SMYD5: variants seen among roughly 807,000 people sequenced by gnomAD.
The protein encoded by SMYD5 is SMYD family member 5.
A neutral mutation model predicts 57.4 loss-of-function variants in SMYD5; 35 were observed. The ratio of observed to expected loss-of-function variants is 0.61; its 90% CI spans 0.47 to 0.81. SMYD5 has a LOEUF of 0.81. Ranked by LOEUF, SMYD5 falls within the 30% of genes least tolerant of loss-of-function variation. The probability of loss-of-function intolerance (pLI) is 0.00; values close to 1 mark genes in which losing one functional copy is unlikely to be tolerated. For synonymous variants in SMYD5, 198 were observed against 189.7 expected, an observed-to-expected ratio of 1.04 and a Z score of -0.36; for missense variants, 471 against 527.9, an observed-to-expected ratio of 0.89 and a Z score of 1.06.
rs1686473050 is a variant in SMYD5, at chr2:73,225,031, C to T, written c.1035+71C>T. ...GGAAGTTCTCTGCAGGGATCAGGAG[C>T]AGCAGTGGCTAGAGCACCTTGAAGT... On this transcript the variant is annotated intron_variant, in intron 11 of 12. Transcript: ENST00000389501. The T allele has an allele frequency of 8.5e-6, 10 of 1,172,180 alleles. No individual in the cohort carries two copies. In the South Asian group the frequency reaches 1.2e-4, roughly 14 times the overall value. The allele number at this position is 1,172,180 out of a possible 1,614,324, so 72.6% of individuals were successfully genotyped here.
chr2:73,226,226 G>A lies in SMYD5; in HGVS notation c.*280G>A, dbSNP rs1686500982. 2 of 467,718 alleles carry A rather than the reference G, an allele frequency of 4.3e-6. No homozygotes were observed. The highest frequency in any genetic ancestry group is 3.7e-5 in the South Asian group (1 of 27,188). 29.0% of individuals were successfully genotyped at this position (467,718 alleles called of 1,614,324 possible). A position where few individuals can be genotyped will look rare whatever the true frequency, so the allele number is the denominator to read the frequency against. ...GGTTCCTCCACTCTAGGGTTTGAGGGGCTGGAATCAGGGCCAGGGCCTAAC... is the reference window on the plus strand; with the variant it reads ...GGTTCCTCCACTCTAGGGTTTGAGGAGCTGGAATCAGGGCCAGGGCCTAAC... On this transcript the variant is annotated 3_prime_UTR_variant, in exon 13 of 13. Transcript: ENST00000389501.
rs1686372339 is a variant in SMYD5, at chr2:73,220,794, T to C, written c.467+12T>C. The C allele has an allele frequency of 1.2e-6, 2 of 1,613,440 alleles. No individual in the cohort carries two copies. The highest frequency in any genetic ancestry group is 4.5e-5 in the East Asian group (2 of 44,888). On this transcript the variant is annotated intron_variant, in intron 4 of 12. Transcript: ENST00000389501. ...CAGGAGGCATGGAGGTAGGTTTCTT[T>C]TCCTCTCTTCTTTCCTTTATCCTTT... is the stretch of plus-strand genomic sequence containing the variant.
chr2:73,220,739 G>A lies in SMYD5; in HGVS notation c.424G>A (p.Asp142Asn), dbSNP rs1244545626. Residue 142 changes from aspartate to asparagine, a missense_variant, in exon 4 of 13, where the codon GAT becomes AAT. Transcript: ENST00000389501. ...GGTCCTGTGCCCAGGCCCCTCCCAG[G>A]ATGACCCCTTGCATCCTCTCAATAA... ...HQVLCPGPSQDDPLHPLNKLQ... is the reference protein window; with the variant it reads ...HQVLCPGPSQNDPLHPLNKLQ... 4 of 1,613,948 alleles carry A rather than the reference G, an allele frequency of 2.5e-6. No homozygotes were observed. Among genetic ancestry groups the A allele is most frequent in the Non-Finnish European group, 2.5e-6 (3 of 1,180,014 alleles).
At chr2:73,220,872 C>G in intron 4 of SMYD5, 90 bp downstream of exon 4, 2 of 1,460,590 alleles carry the variant, frequency 1.4e-6, no homozygotes, top group South Asian at 2.5e-5. Flanking sequence ...TTCTTAAGTT[C>G]CAATTCCCCG....
chr2:73,214,688 CG>C, intron 1 of SMYD5: 1 of 1,410,806 alleles, frequency 7.1e-7, no homozygotes, highest in South Asian at 1.2e-5. Context: ...GGGGATGTGC[CG>C]GGCAGAGAGA....
At chr2:73,217,781 C>T (rs959117234) in intron 1 of SMYD5, among the ~76,000 whole-genome samples, 7 of 152,140 alleles carry the variant, frequency 4.6e-5, no homozygotes, top group Non-Finnish European at 1.0e-4. Context: ...GTTGTGGCAG[C>T]TCAGTGTTGA....
rs920805370 is a variant in SMYD5 at position 73,222,075 on chromosome 2, T to TA, written c.642+146dup. On this transcript the variant is annotated intron_variant, in intron 6 of 12. Transcript: ENST00000389501. Reference sequence around the variant, plus strand: ...GGTCCAGAAATCGATTCAGAGGAGTTACATTCCTGCCACTGTTTACTTCAT... The same window carrying TA: ...GGTCCAGAAATCGATTCAGAGGAGTTAACATTCCTGCCACTGTTTACTTCAT... 4.9e-6 allele frequency: 3 copies of TA among 618,344 alleles called. No individual in the cohort carries two copies. The African/African-American group carries it at 5.5e-5, about 11-fold the overall frequency. 38.3% of individuals were successfully genotyped at this position (618,344 alleles called of 1,614,324 possible). A position where few individuals can be genotyped will look rare whatever the true frequency, so the allele number is the denominator to read the frequency against.
At chr2:73,221,336 C>G in intron 5 of SMYD5, 102 bp downstream of exon 5, 1 of 898,824 alleles carries the variant, frequency 1.1e-6, no homozygotes, top group Non-Finnish European at 1.8e-6. Context: ...ATGCAGAGTT[C>G]TTCCTGGCCT....
chr2:73,217,446 G>A (rs1686311113), intron 1 of SMYD5, among the ~76,000 whole-genome samples: 2 of 152,196 alleles, frequency 1.3e-5, no homozygotes, highest in African/African-American at 2.4e-5. Flanking sequence ...CAGAAATAAT[G>A]TGAGTCCCTG....
At chr2:73,214,529 C>G (rs547772228) in intron 1 of SMYD5, 167 bp downstream of exon 1, 1 of 1,481,516 alleles carries the variant, frequency 6.7e-7, no homozygotes. Context: ...CGCGCAGGCT[C>G]GTGGCGCGGT....
intron 10 of SMYD5, 106 bp downstream of exon 10, chr2:73,224,109 G>A (rs535101628): frequency 1.9e-6 from 2 of 1,038,820 alleles, no homozygotes; most frequent in Admixed American, 1.7e-5. Context: ...TAGGCTGGTA[G>A]GGTTGAGTCT....
At chr2:73,214,808 A>G in intron 1 of SMYD5, 1 of 1,308,100 alleles carries the variant, frequency 7.6e-7, no homozygotes, top group Non-Finnish European at 1.0e-6. Context: ...GTGCTGAGGA[A>G]TTTGGACCAG....
At chr2:73,223,007 G>A (rs1383709527) in intron 7 of SMYD5, 29 bp from the exon 8 acceptor site, 3 of 1,600,406 alleles carry the variant, frequency 1.9e-6, no homozygotes, top group Non-Finnish European at 2.6e-6. Flanking sequence ...TGGCTGTAAT[G>A]AGCACTCATC....
Position 73,222,784 on chromosome 2 carries a change from C to G in SMYD5, c.672C>G (p.Phe224Leu). 6.2e-7 allele frequency: 1 copy of G among 1,613,610 alleles called. No homozygotes were observed. Among genetic ancestry groups the G allele is most frequent in the Non-Finnish European group, 8.5e-7 (1 of 1,179,778 alleles). Reference sequence around the variant, plus strand: ...AACTGGAACTTCTGCGGAGACTCTTCACAGAGGCCCTCTATGAGGAAGCAG... The same window carrying G: ...AACTGGAACTTCTGCGGAGACTCTTGACAGAGGCCCTCTATGAGGAAGCAG... ...KGQLELLRRL[F>L]TEALYEEAVS... The change falls in exon 7 of 13, where the codon TTC becomes TTG. Residue 224 changes from phenylalanine to leucine, a missense_variant. Coordinates refer to ENST00000389501, the MANE Select transcript of SMYD5 (RefSeq NM_006062.3).
chr2:73,225,758 C>T (rs1193074127), intron 12 of SMYD5, 38 bp from the exon 13 acceptor site: 17 of 1,613,940 alleles, frequency 1.1e-5, no homozygotes, highest in Non-Finnish European at 1.4e-5. Flanking sequence ...ACCCATAGCT[C>T]CCTGACTTTT....
In SMYD5 at chr2:73,217,846, T is replaced by C. The variant is rs1168281430; in HGVS notation, c.97-1015T>C. The stretch of plus-strand genomic sequence containing the variant: ...GGGAGTATGTGCCCAATAAGGCCAG[T>C]AACTGCCTGGGTTCTGAAGCCATCT... On this transcript the variant is annotated intron_variant, in intron 1 of 12. Coordinates refer to ENST00000389501, the MANE Select transcript of SMYD5 (RefSeq NM_006062.3). Among the ~76,000 whole-genome samples, 3 of 152,328 alleles carry C rather than the reference T, an allele frequency of 2.0e-5. No individual in the cohort carries two copies. In the East Asian group the frequency reaches 5.8e-4, roughly 29 times the overall value.
At chr2:73,221,292 T>G in intron 5 of SMYD5, 58 bp downstream of exon 5, 1 of 1,409,686 alleles carries the variant, frequency 7.1e-7, no homozygotes, top group Non-Finnish European at 1.0e-6. Flanking sequence ...ACCCTTGGTC[T>G]CAGTCTTTTC....
At chr2:73,223,290 G>C in intron 8 of SMYD5, 136 bp from the exon 9 acceptor site, 1 of 811,386 alleles carries the variant, frequency 1.2e-6, no homozygotes, top group Non-Finnish European at 2.1e-6. Context: ...TGTTGGGGAA[G>C]ATGGGCCCCC....
chr2:73,221,056 A>G, intron 4 of SMYD5, 109 bp from the exon 5 acceptor site: 1 of 1,021,958 alleles, frequency 9.8e-7, no homozygotes, highest in Non-Finnish European at 1.5e-6. Flanking sequence ...CTTTCCTGGT[A>G]ATTGATGGAA....
Sources: allele counts gnomAD v4.1 joint callset (sites outside exome capture counted in the v4.1 genomes callset), GRCh38; gene constraint gnomAD v4.1.1; transcripts MANE v1.5; gene names NCBI Gene and HGNC (gene_info 2026-07-23, HGNC 2026-07-21).